TRAF3IP2: variants seen among roughly 807,000 people sequenced by gnomAD.
The protein encoded by TRAF3IP2 is TRAF3 interacting protein 2.
Under a neutral mutation model 57.9 loss-of-function variants are expected in TRAF3IP2, and 35 were observed. That is an observed-to-expected ratio of 0.60 (90% CI 0.46 to 0.80). The LOEUF (loss-of-function observed/expected upper bound fraction) is 0.80. Among genes scored for constraint, TRAF3IP2 ranks in the 30% least tolerant of loss-of-function variants. TRAF3IP2 has a pLI of 0.00. For synonymous variants in TRAF3IP2, 251 were observed against 268.9 expected, an observed-to-expected ratio of 0.93 and a Z score of 0.65; for missense variants, 556 against 706.4, an observed-to-expected ratio of 0.79 and a Z score of 2.41.
At chr6:111,590,214 CTG>C (rs1231920909) in intron 2 of TRAF3IP2, among the ~76,000 whole-genome samples, 2 of 152,302 alleles carry the variant, frequency 1.3e-5, no homozygotes, top group South Asian at 2.1e-4. Flanking sequence ...GTGCCAGACA[CTG>C]TGCTTAAATC....
At chr6:111,571,909 T>C (rs560275096) in intron 5 of TRAF3IP2, among the ~76,000 whole-genome samples, 3 of 148,370 alleles carry the variant, frequency 2.0e-5, no homozygotes, top group Non-Finnish European at 4.5e-5. Flanking sequence ...TTCTAGACTC[T>C]GTCTCAAAAA....
Position 111,591,475 on chromosome 6 carries a change from C to T in TRAF3IP2, c.612G>A (p.Gln204=), listed in dbSNP as rs755004755. 1 of 1,603,612 alleles carries T rather than the reference C, an allele frequency of 6.2e-7. No homozygotes were observed. The highest frequency in any genetic ancestry group is 8.5e-7 in the Non-Finnish European group (1 of 1,173,024). Residue 204 remains glutamine (Q), a synonymous_variant, in exon 2 of 9, where the codon CAG becomes CAA. Transcript: ENST00000368761. This position sits in a 1 kb window ranked among gnomAD's most constrained non-coding sequence, Gnocchi z 4.9. ...CCAGCTGCCTGATGCCCAGGACATC[C>T]TGGGGCTGGGAATCATATCCCGTGT... ...TIDTGYDSQP[Q]DVLGIRQLER...
intron 3 of TRAF3IP2, chr6:111,576,714 G>A (rs537536278): frequency 5.3e-5 from 8 of 152,096 alleles, no homozygotes; most frequent in South Asian, 2.1e-4. Context: ...TGTGCTAACC[G>A]GTGGTGGGAC....
At chr6:111,567,007 C>T in intron 6 of TRAF3IP2, 2 of 217,268 alleles carry the variant, frequency 9.2e-6, no homozygotes, top group Non-Finnish European at 1.7e-5. Flanking sequence ...CCCTTCAGCA[C>T]AAAGCAAACA....
At chr6:111,577,663 A>G (rs1435684134) in intron 3 of TRAF3IP2, among the ~76,000 whole-genome samples, 1 of 151,844 alleles carries the variant, frequency 6.6e-6, no homozygotes, top group East Asian at 1.9e-4. Context: ...ATGAGCCACT[A>G]TGCCCAACCT....
At position 111,567,656 on chromosome 6, in the gene TRAF3IP2, T is replaced by C. The variant is rs748589962; in HGVS notation, c.1327A>G (p.Ile443Val). 2 of 1,610,042 alleles carry C rather than the reference T, an allele frequency of 1.2e-6. No individual in the cohort carries two copies. Among genetic ancestry groups the C allele is most frequent in the African/African-American group, 1.3e-5 (1 of 74,834 alleles). Residue 443 changes from isoleucine (I) to valine (V), a missense_variant, in exon 6 of 9, where the codon ATC becomes GTC. Transcript: ENST00000368761. ...AGGTAGCGCTCCATCCATTTAATGATATCAATGCCTCGGATTCTATCCTCA... is the reference window on the plus strand; with the variant it reads ...AGGTAGCGCTCCATCCATTTAATGACATCAATGCCTCGGATTCTATCCTCA... Reference protein sequence around the residue: ...IFEDRIRGIDIIKWMERYLRD... With the variant: ...IFEDRIRGIDVIKWMERYLRD...
chr6:111,597,865 C>T, intron 1 of TRAF3IP2: 1 of 455,980 alleles, frequency 2.2e-6, no homozygotes, highest in African/African-American at 2.0e-5. Flanking sequence ...GTGCTTGTAA[C>T]TCTGGCATGA....
intron 8 of TRAF3IP2, among the ~76,000 whole-genome samples, chr6:111,561,367 G>T (rs934985811): frequency 7.3e-5 from 11 of 151,330 alleles, no homozygotes; most frequent in Non-Finnish European, 1.3e-4. Context: ...TTGAACCCTG[G>T]AGGCAGAGGT....
In TRAF3IP2 at chr6:111,556,549, A is replaced by C. The variant is rs1795246444; in HGVS notation, c.*2856T>G. 6.6e-6 allele frequency: 1 copy of C among 152,196 alleles called. No homozygotes were observed. The highest frequency in any genetic ancestry group is 1.5e-5 in the Non-Finnish European group (1 of 68,036). The allele number at this position is 152,196 out of a possible 1,614,324, so 9.4% of individuals were successfully genotyped here. On this transcript the variant is annotated 3_prime_UTR_variant, in exon 9 of 9. Coordinates refer to ENST00000368761, the MANE Select transcript of TRAF3IP2 (RefSeq NM_147686.4). The stretch of plus-strand genomic sequence containing the variant: ...ATGAAAAAAGAGAAAGAAGACTTGA[A>C]GTTTGTGTTTGGGTGTTTTCCAGGT...
chr6:111,577,642 G>A (rs13206153), intron 3 of TRAF3IP2, among the ~76,000 whole-genome samples: 8,776 of 152,070 alleles, frequency 0.058, 277 homozygotes, highest in Middle Eastern at 0.071. Flanking sequence ...CAAAGTGCTG[G>A]GATTACAGGC....
intron 7 of TRAF3IP2, among the ~76,000 whole-genome samples, chr6:111,564,643 T>C (rs1795564918): frequency 6.6e-6 from 1 of 152,206 alleles, no homozygotes; most frequent in Non-Finnish European, 1.5e-5. Flanking sequence ...AGGAAGGCAC[T>C]TCTGTGTCTG....
At chr6:111,590,856 C>G (rs533712251) in intron 2 of TRAF3IP2, among the ~76,000 whole-genome samples, 3 of 152,200 alleles carry the variant, frequency 2.0e-5, no homozygotes, top group Admixed American at 2.0e-4. Context: ...GACTAAAAGC[C>G]CTTTCTCTGC....
chr6:111,567,738 C>A, intron 5 of TRAF3IP2, 46 bp from the exon 6 acceptor site: 2 of 1,507,566 alleles, frequency 1.3e-6, no homozygotes, highest in South Asian at 1.2e-5. Context: ...GAGAGGTTCT[C>A]TCAAGATGCA....
At chr6:111,573,603 G>C (rs1008130247) in intron 4 of TRAF3IP2, 3 of 61,154 alleles carry the variant, frequency 4.9e-5, no homozygotes, top group African/African-American at 1.1e-4. Flanking sequence ...GCAGCTTGAA[G>C]AAGAGACACT....
intron 6 of TRAF3IP2, chr6:111,566,889 A>C (rs552471097): frequency 2.7e-6 from 1 of 375,540 alleles, no homozygotes; most frequent in East Asian, 6.9e-5. Flanking sequence ...TGCAACACCA[A>C]CAGTAAGAAG....
intron 3 of TRAF3IP2, chr6:111,577,060 T>G (rs1796013017): frequency 6.6e-6 from 1 of 151,124 alleles, no homozygotes; most frequent in Non-Finnish European, 1.5e-5. Context: ...TAAGATTATT[T>G]TTTATATTTT....
chr6:111,563,288 T>C (rs1236818602), intron 7 of TRAF3IP2, among the ~76,000 whole-genome samples: 1 of 152,208 alleles, frequency 6.6e-6, no homozygotes, highest in African/African-American at 2.4e-5. Flanking sequence ...CCTTCCAGGG[T>C]ATGCTGGAAC....
chr6:111,569,068 A>G (rs1336769796), intron 5 of TRAF3IP2, among the ~76,000 whole-genome samples: 2 of 152,248 alleles, frequency 1.3e-5, no homozygotes, highest in East Asian at 3.8e-4. Flanking sequence ...CATAGAGTAC[A>G]GAGTTCAGAA....
intron 2 of TRAF3IP2, among the ~76,000 whole-genome samples, chr6:111,582,557 G>A (rs1288828767): frequency 6.6e-6 from 1 of 152,124 alleles, no homozygotes; most frequent in Non-Finnish European, 1.5e-5. Context: ...TCTCAGGGCA[G>A]GGCGGATATA....
Sources: allele counts gnomAD v4.1 joint callset (sites outside exome capture counted in the v4.1 genomes callset), GRCh38; gene constraint gnomAD v4.1.1; non-coding constraint Gnocchi (gnomAD v3.1); transcripts MANE v1.5; gene names NCBI Gene and HGNC (gene_info 2026-07-23, HGNC 2026-07-21).